The following INVS variants were observed in gnomAD, a reference collection of about 807,000 sequenced individuals.
INVS encodes inversion of embryo turning homolog.
INVS carries 86 observed loss-of-function variants against 108.8 expected under a neutral mutation model. The observed-to-expected ratio is 0.79, with a 90% confidence interval of 0.66 to 0.95. INVS has a LOEUF of 0.95. Ranked by LOEUF, INVS falls within the 40% of genes least tolerant of loss-of-function variation. INVS has a pLI of 0.00. For synonymous variants in INVS, 455 were observed against 473.5 expected, an observed-to-expected ratio of 0.96 and a Z score of 0.51; for missense variants, 1,169 against 1,297.4, an observed-to-expected ratio of 0.90 and a Z score of 1.52.
chr9:100,161,870 T>G (rs1829201768), intron 3 of INVS, among the ~76,000 whole-genome samples: 1 of 152,088 alleles, frequency 6.6e-6, no homozygotes, highest in South Asian at 2.1e-4. Flanking sequence ...GATAGAGAAC[T>G]TCAACTGGGA....
At chr9:100,235,278 T>C (rs576382467) in intron 5 of INVS, among the ~76,000 whole-genome samples, 1 of 152,198 alleles carries the variant, frequency 6.6e-6, no homozygotes, top group African/African-American at 2.4e-5. Flanking sequence ...ATGAGATGGG[T>C]CTCTTGAATT....
intron 3 of INVS, among the ~76,000 whole-genome samples, chr9:100,137,897 C>A (rs1037503478): frequency 6.6e-6 from 1 of 151,994 alleles, no homozygotes; most frequent in Non-Finnish European, 1.5e-5. Flanking sequence ...TTTCAATGAA[C>A]CAACAAATAC....
intron 3 of INVS, among the ~76,000 whole-genome samples, chr9:100,220,793 T>G (rs1588098290): frequency 6.6e-6 from 1 of 152,232 alleles, no homozygotes. Flanking sequence ...GGTCAGGAGT[T>G]TGAGACCAGC....
chr9:100,125,557 C>T (rs1205905812), intron 2 of INVS, among the ~76,000 whole-genome samples: 1 of 152,148 alleles, frequency 6.6e-6, no homozygotes, highest in African/African-American at 2.4e-5. Flanking sequence ...GATGCCTTCC[C>T]TTCTCTGCCT....
At chr9:100,255,471 A>G (rs547885443) in intron 10 of INVS, among the ~76,000 whole-genome samples, 10 of 152,248 alleles carry the variant, frequency 6.6e-5, no homozygotes, top group African/African-American at 2.4e-4. Context: ...GTGGTGAGAG[A>G]GGGCATCCCT....
At chr9:100,279,900 A>G (rs1833226148) in intron 12 of INVS, among the ~76,000 whole-genome samples, 1 of 152,192 alleles carries the variant, frequency 6.6e-6, no homozygotes, top group African/African-American at 2.4e-5. Context: ...GAAGGCACAT[A>G]GTGGGGTAGA....
chr9:100,120,769 G>C (rs956290054), intron 2 of INVS: 1 of 152,222 alleles, frequency 6.6e-6, no homozygotes, highest in African/African-American at 2.4e-5. Context: ...GGAGAATCAA[G>C]TTATCAAGGT....
At chr9:100,109,796 A>C (rs1827285627) in intron 2 of INVS, among the ~76,000 whole-genome samples, 1 of 152,094 alleles carries the variant, frequency 6.6e-6, no homozygotes, top group Non-Finnish European at 1.5e-5. Context: ...CTCCCAAGTA[A>C]CTGGGATTAC....
chr9:100,118,667 T>C (rs1827628425), intron 2 of INVS, among the ~76,000 whole-genome samples: 3 of 151,670 alleles, frequency 2.0e-5, no homozygotes, highest in South Asian at 4.2e-4. Flanking sequence ...TCCAGCACCA[T>C]TTATTATTAT....
Position 100,272,881 on chromosome 9 carries a change from A to G in INVS, c.1589A>G (p.Tyr530Cys). Residue 530 changes from tyrosine to cysteine, a missense_variant, in exon 12 of 17, where the codon TAT (tyrosine) becomes TGT (cysteine). This residue lies in a region of INVS where 271 missense variants were observed against 363.8 expected (regional missense o/e 0.74). Transcript: ENST00000262457. ...CACTTCAGATACACACCCCTTGATT[A>G]TGCTTTGCTTGGTGAGCGCCATGAA... ...NNEERYTPLD[Y>C]ALLGERHEVI... 2 of 1,614,036 alleles carry G rather than the reference A, an allele frequency of 1.2e-6. No homozygotes were observed. The highest frequency in any genetic ancestry group is 1.3e-5 in the African/African-American group (1 of 75,014).
rs1231385305 is a variant in INVS at position 100,301,330 on chromosome 9, G to A, written c.*656G>A. 6.6e-6 allele frequency among the ~76,000 whole-genome samples: 1 copy of A among 152,148 alleles called. No individual in the cohort carries two copies. The highest frequency in any genetic ancestry group is 1.5e-5 in the Non-Finnish European group (1 of 68,034). ...TACAGTTCCTACGTTAGCCTCTCAAGGCCACAAGTTGCCGCCACGTCTTCA... is the reference window on the plus strand; with the variant it reads ...TACAGTTCCTACGTTAGCCTCTCAAAGCCACAAGTTGCCGCCACGTCTTCA... On this transcript the variant is annotated 3_prime_UTR_variant, in exon 17 of 17. Coordinates refer to ENST00000262457, the MANE Select transcript of INVS (RefSeq NM_014425.5).
At chr9:100,175,334 C>A in intron 3 of INVS, 1 of 737,558 alleles carries the variant, frequency 1.4e-6, no homozygotes, top group Non-Finnish European at 2.5e-6. Flanking sequence ...GTCTGGACAG[C>A]TCTAATTCTT....
chr9:100,289,599 G>A (rs1001551043), intron 13 of INVS, among the ~76,000 whole-genome samples: 4 of 152,214 alleles, frequency 2.6e-5, no homozygotes, highest in Admixed American at 6.5e-5. Context: ...CAAGATGGCC[G>A]CCTTCATATA....
In INVS at chr9:100,100,827, G is replaced by A. The variant is rs1381910944; in HGVS notation, c.-25+1411G>A. Among the ~76,000 whole-genome samples the A allele has an allele frequency of 0.017, 363 of 20,914 alleles. 118 individuals are homozygous for A. The Middle Eastern group carries it at 0.29, about 16-fold the overall frequency. The allele number at this position is 20,914 out of a possible 152,430, so 13.7% of individuals were successfully genotyped here. A position where few individuals can be genotyped will look rare whatever the true frequency, so the allele number is the denominator to read the frequency against. On this transcript the variant is annotated intron_variant, in intron 1 of 16. Coordinates refer to ENST00000262457, the MANE Select transcript of INVS (RefSeq NM_014425.5). ...TGTATATATAATATATATAATATAT[G>A]TATATATAATATATATATAATATAT...
At chr9:100,128,035 G>A (rs1024602245) in intron 3 of INVS, among the ~76,000 whole-genome samples, 1 of 152,164 alleles carries the variant, frequency 6.6e-6, no homozygotes, top group African/African-American at 2.4e-5. Context: ...AAAATGTAGA[G>A]TGAAGGAACC....
Position 100,297,944 on chromosome 9 carries a change from C to CA in INVS, c.3026dup (p.His1009GlnfsTer33). The CA allele has an allele frequency of 6.2e-7, 1 of 1,614,158 alleles. No homozygotes were observed. The highest frequency in any genetic ancestry group is 8.5e-7 in the Non-Finnish European group (1 of 1,179,990). On this transcript the variant is annotated frameshift_variant, in exon 16 of 17. Transcript: ENST00000262457. LOFTEE classifies it high-confidence loss of function. Reference sequence around the variant, plus strand: ...TTGTTGGTTCATTTCAGGTTGTTCTCACGAAGGGAAAATACATCATCCTAC... The same window carrying CA: ...TTGTTGGTTCATTTCAGGTTGTTCTCAACGAAGGGAAAATACATCATCCTAC...
intron 2 of INVS, chr9:100,117,550 A>ACCT: frequency 1.9e-6 from 2 of 1,079,458 alleles, no homozygotes; most frequent in Non-Finnish European, 2.7e-6. Context: ...CACTGCGGAA[A>ACCT]CCTCCGCGGA....
intron 10 of INVS, among the ~76,000 whole-genome samples, chr9:100,263,581 G>T (rs879470790): frequency 2.0e-5 from 3 of 152,062 alleles, no homozygotes; most frequent in Non-Finnish European, 4.4e-5. Flanking sequence ...ATTAGATCAG[G>T]CCTACCCAGA....
rs1030693491 is a variant in INVS, at chr9:100,237,572, G to A, written c.616-2488G>A. 5.3e-5 allele frequency among the ~76,000 whole-genome samples: 8 copies of A among 152,218 alleles called. No homozygotes were observed. In the East Asian group the frequency reaches 7.8e-4, roughly 15 times the overall value. On this transcript the variant is annotated intron_variant, in intron 5 of 16. Transcript: ENST00000262457. The stretch of plus-strand genomic sequence containing the variant: ...ATCTGGGCCAGATACCGTCCCTGCC[G>A]GCACTGTGCATCACGGCTTCCCTTG...
Sources: allele counts gnomAD v4.1 joint callset (sites outside exome capture counted in the v4.1 genomes callset), GRCh38; gene constraint gnomAD v4.1.1; regional missense constraint gnomAD v4.1.1; transcripts MANE v1.5; gene names NCBI Gene and HGNC (gene_info 2026-07-23, HGNC 2026-07-21).